NUDC: variants seen among roughly 807,000 people sequenced by gnomAD.
The protein encoded by NUDC is nuclear distribution C, dynein complex regulator, also known as nuclear migration protein nudC.
NUDC carries 14 observed loss-of-function variants against 45.0 expected under a neutral mutation model. The ratio of observed to expected loss-of-function variants is 0.31; its 90% confidence interval spans 0.21 to 0.49. The LOEUF (loss-of-function observed/expected upper bound fraction) is 0.49, where lower values mean the gene tolerates loss of function less well. Ranked by LOEUF, NUDC falls within the 20% of genes least tolerant of loss-of-function variation. NUDC has a pLI of 0.99. For synonymous variants in NUDC, 153 were observed against 156.7 expected, an observed-to-expected ratio of 0.98 and a Z score of 0.17; for missense variants, 323 against 426.2, an observed-to-expected ratio of 0.76 and a Z score of 2.13.
At chr1:26,908,877 G>A (rs1373104414) in intron 2 of NUDC, among the ~76,000 whole-genome samples, 1 of 152,034 alleles carries the variant, frequency 6.6e-6, no homozygotes, top group Non-Finnish European at 1.5e-5. Context: ...GAGTAGCTGG[G>A]AGCCACCGCA....
chr1:26,946,226 A>G lies in NUDC; in HGVS notation c.*45A>G, dbSNP rs2082316889. Reference sequence around the variant, plus strand: ...GAACTCTTGGGGCTGAGCTGCAACCACCCAACTTTCTTTCCCACTCTTCTC... The same window carrying G: ...GAACTCTTGGGGCTGAGCTGCAACCGCCCAACTTTCTTTCCCACTCTTCTC... On this transcript the variant is annotated 3_prime_UTR_variant, in exon 9 of 9. Coordinates refer to ENST00000321265, the MANE Select transcript of NUDC (RefSeq NM_006600.4). 2 of 1,547,540 alleles carry G rather than the reference A, an allele frequency of 1.3e-6. No homozygotes were observed. Among genetic ancestry groups the G allele is most frequent in the African/African-American group, 1.4e-5 (1 of 73,500 alleles).
intron 2 of NUDC, among the ~76,000 whole-genome samples, chr1:26,903,227 A>G (rs895117298): frequency 2.6e-5 from 4 of 152,180 alleles, no homozygotes; most frequent in African/African-American, 9.7e-5. Context: ...TATTTATGCA[A>G]AGTTCCAAAA....
chr1:26,933,403 AGTTTTTGTTTTT>A (rs566352112), intron 2 of NUDC, among the ~76,000 whole-genome samples: 23 of 151,754 alleles, frequency 1.5e-4, no homozygotes, highest in African/African-American at 4.8e-4. Flanking sequence ...ATCATATGGT[AGTTTTTGTTTTT>A]GTTTTTGTTT....
chr1:26,933,570 C>A (rs1469833604), intron 2 of NUDC, among the ~76,000 whole-genome samples: 1 of 151,940 alleles, frequency 6.6e-6, no homozygotes, highest in Non-Finnish European at 1.5e-5. Context: ...CCTGCCACCA[C>A]ACCTGGCTAA....
intron 2 of NUDC, among the ~76,000 whole-genome samples, chr1:26,936,265 C>T (rs1210287680): frequency 1.5e-5 from 2 of 129,072 alleles, no homozygotes; most frequent in Admixed American, 8.6e-5. Context: ...TCTCGGCTCA[C>T]CACAACATCT....
At chr1:26,938,640 T>C (rs892498407) in intron 2 of NUDC, among the ~76,000 whole-genome samples, 3 of 152,146 alleles carry the variant, frequency 2.0e-5, no homozygotes, top group Non-Finnish European at 2.9e-5. Context: ...GAATTTGGCG[T>C]CAAATGGGTG....
chr1:26,934,535 A>G (rs999113526), intron 2 of NUDC, among the ~76,000 whole-genome samples: 1 of 152,132 alleles, frequency 6.6e-6, no homozygotes, highest in African/African-American at 2.4e-5. Flanking sequence ...CAGCCCCACA[A>G]AGTCTTAATT....
At chr1:26,919,944 G>A (rs2082080487), upstream of NUDC, among the ~76,000 whole-genome samples, 1 of 152,208 alleles carries the variant, frequency 6.6e-6, no homozygotes, top group African/African-American at 2.4e-5. Flanking sequence ...CAAGTGCAAG[G>A]CCCTGCCCTC....
chr1:26,924,275 A>T, intron 2 of NUDC, 109 bp downstream of exon 2: 1 of 909,064 alleles, frequency 1.1e-6, no homozygotes, highest in Non-Finnish European at 1.8e-6. Context: ...CGAAATGCCA[A>T]AGGTGAGGAA....
chr1:26,945,143 ACCCTGGATG>A, intron 6 of NUDC: 1 of 586,058 alleles, frequency 1.7e-6, no homozygotes, highest in South Asian at 2.0e-5. Context: ...TTCTCCCTCC[ACCCTGGATG>A]AATATCTCCC....
rs553438609 is a variant in NUDC, at chr1:26,942,619, G to A, written c.430-41G>A. On this transcript the variant is annotated intron_variant, in intron 4 of 8. Coordinates refer to ENST00000321265, the MANE Select transcript of NUDC (RefSeq NM_006600.4). ...CCAGTGAGGGTTCAATCTGTGTCTT[G>A]TCTGTCAAGTAAGTAGCTGAGTGTC... 7 of 1,613,070 alleles carry A rather than the reference G, an allele frequency of 4.3e-6. No homozygotes were observed. In the African/African-American group the frequency reaches 5.3e-5, roughly 12 times the overall value.
At chr1:26,943,621 A>G (rs148302011) in intron 6 of NUDC, among the ~76,000 whole-genome samples, 9 of 152,274 alleles carry the variant, frequency 5.9e-5, no homozygotes, top group African/African-American at 1.4e-4. Context: ...CATGCATTCA[A>G]TTCATCAAAT....
chr1:26,910,952 T>C (rs1178950119), intron 2 of NUDC, among the ~76,000 whole-genome samples: 7 of 152,072 alleles, frequency 4.6e-5, no homozygotes, highest in Non-Finnish European at 1.0e-4. Context: ...GGGTGGTGGC[T>C]GTGAGCCAAG....
chr1:26,935,567 C>T (rs1174532456), intron 2 of NUDC, among the ~76,000 whole-genome samples: 1 of 152,016 alleles, frequency 6.6e-6, no homozygotes, highest in African/African-American at 2.4e-5. Flanking sequence ...ATCAAGAAAG[C>T]AGCATGGGGG....
rs145443892 is a variant in NUDC, at chr1:26,921,920, C to G, written c.72C>G (p.Gly24=). The part of the protein sequence containing the change: ...LLAMAQQHEG[G]VQELVNTFFS... ...CCATGGCTCAGCAGCACGAGGGCGG[C>G]GTGCAGGAGGTAACGGCCCGCGCGG... The change falls in exon 1 of 9, where the codon GGC becomes GGG. Residue 24 remains glycine, a synonymous_variant. Transcript: ENST00000321265. 419 of 1,552,308 alleles carry G rather than the reference C, an allele frequency of 2.7e-4. No individual in the cohort carries two copies. The African/African-American group carries it at 5.2e-3, about 19-fold the overall frequency.
Position 26,941,747 on chromosome 1 carries a change from C to T in NUDC, c.364-6C>T, listed in dbSNP as rs1444881645. 1.9e-6 allele frequency: 3 copies of T among 1,614,088 alleles called. No individual in the cohort carries two copies. The highest frequency in any genetic ancestry group is 2.7e-5 in the African/African-American group (2 of 75,028). The stretch of plus-strand genomic sequence containing the variant: ...CTGTTGCCAACTGCTGTGCTCTTTG[C>T]CCCAGAAAAAGGATGCAGAGAATCA... On this transcript the variant is annotated splice_polypyrimidine_tract_variant and splice_region_variant and intron_variant, in intron 3 of 8. Coordinates refer to ENST00000321265, the MANE Select transcript of NUDC (RefSeq NM_006600.4).
chr1:26,940,572 G>A (rs902142014), intron 2 of NUDC, among the ~76,000 whole-genome samples: 4 of 152,334 alleles, frequency 2.6e-5, no homozygotes, highest in East Asian at 1.9e-4. Flanking sequence ...CTGTGGTCTT[G>A]GAGACAGGAT....
At chr1:26,916,401 A>G (rs2082062007) in intron 3 of NUDC, among the ~76,000 whole-genome samples, 1 of 151,948 alleles carries the variant, frequency 6.6e-6, no homozygotes. Context: ...AAAAAAACGA[A>G]AAAACCCCAC....
rs147682563 is a variant in NUDC, at chr1:26,932,454, C to T, written c.159+8288C>T. 3.4e-4 allele frequency among the ~76,000 whole-genome samples: 52 copies of T among 152,002 alleles called. No homozygotes were observed. In the East Asian group the frequency reaches 4.1e-3, roughly 12 times the overall value. ...TCGACTTCCCAAAGTGCTGGGATTA[C>T]AGGTGTGAGCCACTGCGCCCGGCCC... On this transcript the variant is annotated intron_variant, in intron 2 of 8. Transcript: ENST00000321265.
Sources: gnomAD v4.1 joint callset for allele counts (sites outside exome capture counted in the v4.1 genomes callset) on GRCh38, gnomAD v4.1.1 for gene constraint, MANE v1.5 for transcripts, NCBI Gene and HGNC (gene_info 2026-07-23, HGNC 2026-07-21) for gene names.